Variants in IFIH1 observed in about 807,000 individuals in gnomAD.
The protein encoded by IFIH1 is interferon induced with helicase C domain 1, also known as interferon-induced helicase C domain-containing protein 1.
A neutral mutation model predicts 107.4 loss-of-function variants in IFIH1; 125 were observed. The ratio of observed to expected loss-of-function variants is 1.16; its 90% CI spans 1.01 to 1.35. The LOEUF (loss-of-function observed/expected upper bound fraction) is 1.35. Among genes scored for constraint, IFIH1 ranks in the 40% most tolerant of loss-of-function variants. The pLI, the probability that IFIH1 is intolerant of heterozygous loss-of-function variation, is 0.00. For missense variants in IFIH1, 1,333 were observed against 1,213.7 expected, an observed-to-expected ratio of 1.10 and a Z score of -1.46; for synonymous variants, 458 against 413.2, an observed-to-expected ratio of 1.11 and a Z score of -1.31.
At position 162,293,919 on chromosome 2, in the gene IFIH1, G is replaced by A. The variant is rs554536284; in HGVS notation, c.770-251C>T. 7.2e-5 allele frequency among the ~76,000 whole-genome samples: 11 copies of A among 151,948 alleles called. 1 individual carries two copies. In the South Asian group the frequency reaches 1.9e-3, roughly 26 times the overall value. On this transcript the variant is annotated intron_variant, in intron 3 of 15. Coordinates refer to ENST00000649979, the MANE Select transcript of IFIH1 (RefSeq NM_022168.4). ...AAAGTACTACACATCCAGTATGAGAGCTAAAGCAAATTCCTAAGGGTTTAT... is the reference window on the plus strand; with the variant it reads ...AAAGTACTACACATCCAGTATGAGAACTAAAGCAAATTCCTAAGGGTTTAT...
At chr2:162,306,032 C>T (rs1576237042) in intron 3 of IFIH1, among the ~76,000 whole-genome samples, 2 of 152,284 alleles carry the variant, frequency 1.3e-5, no homozygotes, top group South Asian at 4.1e-4. Flanking sequence ...TTCACCAGCA[C>T]ACCACAGGCT....
chr2:162,279,638 G>A (rs917651417), intron 8 of IFIH1, among the ~76,000 whole-genome samples: 5 of 152,006 alleles, frequency 3.3e-5, no homozygotes, highest in African/African-American at 1.2e-4. Context: ...TCTGTGGAAT[G>A]TCAGAAAATC....
chr2:162,288,094 C>A (rs1440370165), intron 5 of IFIH1, 41 bp downstream of exon 5: 6 of 1,324,768 alleles, frequency 4.5e-6, no homozygotes, highest in Non-Finnish European at 6.5e-6. Context: ...CAGAATAATA[C>A]AATGAAAATG....
At position 162,293,644 on chromosome 2, in the gene IFIH1, C is replaced by T. The variant is rs1683037618; in HGVS notation, c.794G>A (p.Gly265Glu). 4 of 1,610,674 alleles carry T rather than the reference C, an allele frequency of 2.5e-6. No individual in the cohort carries two copies. The East Asian group carries it at 8.9e-5, about 36-fold the overall frequency. Residue 265 changes from glycine (G) to glutamate (E), a missense_variant, in exon 4 of 16, where the codon GGA becomes GAA. Physicochemically the swap from Gly to Glu is moderately conservative, Grantham distance 98 (BLOSUM62 -2). Coordinates refer to ENST00000649979, the MANE Select transcript of IFIH1 (RefSeq NM_022168.4). The part of the protein sequence containing the change: ...VSESDTSLAE[G>E]SVSCLDESLG... Reference sequence around the variant, plus strand: ...ACTTTCATCTAAGCAGCTGACACTTCCTTCTGCCAAACTTGTGTCTGATTC... The same window carrying T: ...ACTTTCATCTAAGCAGCTGACACTTTCTTCTGCCAAACTTGTGTCTGATTC...
chr2:162,308,945 G>A (rs1359684019), intron 2 of IFIH1, among the ~76,000 whole-genome samples: 1 of 152,162 alleles, frequency 6.6e-6, no homozygotes, highest in East Asian at 1.9e-4. Context: ...GAGACTAGAG[G>A]TGTGATTCAT....
chr2:162,308,106 T>C (rs150855074), intron 2 of IFIH1, among the ~76,000 whole-genome samples: 280 of 152,292 alleles, frequency 1.8e-3, no homozygotes, highest in African/African-American at 6.3e-3. Flanking sequence ...AGTCTGTTTA[T>C]GCTGCCATAA....
chr2:162,278,310 G>A lies in IFIH1; in HGVS notation c.1660C>T (p.Leu554Phe), dbSNP rs1187492247. Residue 554 changes from leucine to phenylalanine, a missense_variant, in exon 9 of 16, where the codon CTT (leucine) becomes TTT (phenylalanine). Transcript: ENST00000649979. The part of the protein sequence containing the change: ...ATREDPFKEK[L>F]LEIMTRIQTY... ...TGAATCCTTGTCATTATTTCTAGAA[G>A]TTTCTCTTTAAATGGATCCTAAAAA... 7.0e-7 allele frequency: 1 copy of A among 1,435,860 alleles called. No homozygotes were observed. Among genetic ancestry groups the A allele is most frequent in the South Asian group, 1.2e-5 (1 of 83,102 alleles). The allele number at this position is 1,435,860 out of a possible 1,614,324, so 88.9% of individuals were successfully genotyped here. A position where few individuals can be genotyped will look rare whatever the true frequency, so the allele number is the denominator to read the frequency against.
In IFIH1 at chr2:162,277,594, G is replaced by C. The variant is rs186942719; in HGVS notation, c.1865C>G (p.Ala622Gly). The C allele has an allele frequency of 1.2e-6, 2 of 1,609,758 alleles. No homozygotes were observed. Among genetic ancestry groups the C allele is most frequent in the Admixed American group, 3.3e-5 (2 of 59,860 alleles). Residue 622 changes from alanine (A) to glycine (G), a missense_variant, in exon 10 of 16, where the codon GCG becomes GGG. Physicochemically the swap from Ala to Gly is moderately conservative, Grantham distance 60 (BLOSUM62 0). Coordinates refer to ENST00000649979, the MANE Select transcript of IFIH1 (RefSeq NM_022168.4). ...QINDTIRMID[A>G]YTHLETFYNE... Reference sequence around the variant, plus strand: ...ATAGAAAGTTTCAAGATGAGTATACGCATCTATCATTCGAATTGTGTCATT... The same window carrying C: ...ATAGAAAGTTTCAAGATGAGTATACCCATCTATCATTCGAATTGTGTCATT...
At chr2:162,273,603 T>C (rs1283308358) in intron 12 of IFIH1, among the ~76,000 whole-genome samples, 192 bp downstream of exon 12, 1 of 152,170 alleles carries the variant, frequency 6.6e-6, no homozygotes, top group African/African-American at 2.4e-5. Context: ...AACAGGTATC[T>C]GGTTATTATA....
At chr2:162,298,101 T>G (rs971084909) in intron 3 of IFIH1, among the ~76,000 whole-genome samples, 1 of 152,146 alleles carries the variant, frequency 6.6e-6, no homozygotes, top group African/African-American at 2.4e-5. Context: ...CCTTTTTAGA[T>G]CTATTTCAAT....
intron 1 of IFIH1, among the ~76,000 whole-genome samples, chr2:162,312,146 T>A (rs1354667559): frequency 1.3e-5 from 2 of 152,194 alleles, no homozygotes; most frequent in African/African-American, 4.8e-5. Context: ...ATAAATATAT[T>A]CCATAACCTT....
At chr2:162,287,240 T>C (rs1362614558) in intron 5 of IFIH1, among the ~76,000 whole-genome samples, 1 of 151,942 alleles carries the variant, frequency 6.6e-6, no homozygotes, top group Non-Finnish European at 1.5e-5. Context: ...ACTAAAACTT[T>C]TAGCATAATA....
At chr2:162,268,569 A>G (rs542558056) in intron 13 of IFIH1, among the ~76,000 whole-genome samples, 37 of 152,224 alleles carry the variant, frequency 2.4e-4, no homozygotes, top group African/African-American at 7.2e-4. Flanking sequence ...TTCTCTGTCT[A>G]GCCTACCCAT....
At chr2:162,315,926 T>C (rs1683482687) in intron 1 of IFIH1, among the ~76,000 whole-genome samples, 1 of 152,226 alleles carries the variant, frequency 6.6e-6, no homozygotes, top group South Asian at 2.1e-4. Context: ...AATTTATAGC[T>C]GCTCAGTCTT....
intron 3 of IFIH1, among the ~76,000 whole-genome samples, chr2:162,304,789 T>A (rs1180428985): frequency 6.6e-6 from 1 of 152,210 alleles, no homozygotes; most frequent in Non-Finnish European, 1.5e-5. Flanking sequence ...ATGATAATAT[T>A]ATTCATTCTC....
chr2:162,283,541 CAG>C (rs973342871), intron 5 of IFIH1, among the ~76,000 whole-genome samples: 2 of 151,992 alleles, frequency 1.3e-5, no homozygotes, highest in African/African-American at 4.8e-5. Context: ...ATATGGGAAA[CAG>C]AGAGTTGGCA....
At chr2:162,267,607 T>G (rs1298620145) in intron 14 of IFIH1, 38 bp from the exon 15 acceptor site, 2 of 1,426,222 alleles carry the variant, frequency 1.4e-6, no homozygotes, top group Non-Finnish European at 2.0e-6. Context: ...CATGGAGAAC[T>G]GACAAAATAC....
intron 3 of IFIH1, among the ~76,000 whole-genome samples, chr2:162,300,140 G>C (rs956625847): frequency 3.3e-5 from 5 of 152,092 alleles, no homozygotes; most frequent in African/African-American, 4.8e-5. Context: ...TCCTTCATTA[G>C]AGTATAAACT....
At chr2:162,278,141 T>C (rs1057168090) in intron 9 of IFIH1, 64 bp downstream of exon 9, 9 of 1,402,992 alleles carry the variant, frequency 6.4e-6, no homozygotes, top group African/African-American at 1.5e-5. Flanking sequence ...ATCTGTGATA[T>C]AGTCATCTAA....
Sources: allele counts gnomAD v4.1 joint callset (sites outside exome capture counted in the v4.1 genomes callset), GRCh38; gene constraint gnomAD v4.1.1; transcripts MANE v1.5; gene names NCBI Gene and HGNC (gene_info 2026-07-23, HGNC 2026-07-21).